The following ROPN1 variants were observed in gnomAD, a reference collection of about 807,000 sequenced individuals.
ROPN1 encodes the protein rhophilin associated tail protein 1.
A neutral mutation model predicts 20.5 loss-of-function variants in ROPN1; 14 were observed. The ratio of observed to expected loss-of-function variants is 0.68; its 90% CI spans 0.45 to 1.07. The LOEUF is 1.07. Ranked by LOEUF, ROPN1 falls within the 50% of genes least tolerant of loss-of-function variation. The pLI is 0.00. For missense variants in ROPN1, 169 were observed against 242.8 expected (o/e 0.70, Z 2.02); for synonymous variants, 76 against 95.7 (o/e 0.79, Z 1.20).
intron 4 of ROPN1, among the ~76,000 whole-genome samples, chr3:123,973,172 C>T (rs780827257): frequency 6.6e-6 from 1 of 152,148 alleles, no homozygotes; most frequent in African/African-American, 2.4e-5. Flanking sequence ...ACATTCACAC[C>T]GTACCACTGG....
intron 1 of ROPN1, among the ~76,000 whole-genome samples, chr3:123,983,532 C>A (rs2038193100): frequency 6.6e-6 from 1 of 152,192 alleles, no homozygotes; most frequent in Non-Finnish European, 1.5e-5. Context: ...CAGTATAGAG[C>A]AAACTTAAGT....
intron 1 of ROPN1, among the ~76,000 whole-genome samples, chr3:123,987,482 C>A (rs188427198): frequency 3.3e-5 from 5 of 152,332 alleles, no homozygotes; most frequent in African/African-American, 9.6e-5. Context: ...GGCCATCTTG[C>A]CCTCCAATAA....
intron 3 of ROPN1, chr3:123,975,852 C>T: frequency 2.7e-6 from 1 of 369,790 alleles, no homozygotes; most frequent in Non-Finnish European, 5.2e-6. Flanking sequence ...TTGTTTTATT[C>T]CTTATATGAC....
At chr3:123,988,366 C>G (rs2038317834) in intron 1 of ROPN1, among the ~76,000 whole-genome samples, 1 of 152,096 alleles carries the variant, frequency 6.6e-6, no homozygotes, top group Non-Finnish European at 1.5e-5. Flanking sequence ...GGCTGACAAT[C>G]AGGTCAGAAG....
At chr3:123,969,476 C>T (rs2037870815) in intron 5 of ROPN1, among the ~76,000 whole-genome samples, 1 of 152,164 alleles carries the variant, frequency 6.6e-6, no homozygotes, top group African/African-American at 2.4e-5. Context: ...CACATACCAC[C>T]ACGCCTAGCT....
chr3:123,980,789 C>G, intron 1 of ROPN1: 1 of 296,858 alleles, frequency 3.4e-6, no homozygotes. Flanking sequence ...GATATCACCC[C>G]CCAAAATCCA....
intron 5 of ROPN1, among the ~76,000 whole-genome samples, chr3:123,969,605 C>A (rs2037873862): frequency 6.6e-6 from 1 of 152,216 alleles, no homozygotes; most frequent in Non-Finnish European, 1.5e-5. Flanking sequence ...CATGACCGGC[C>A]CTCTTTTTCT....
intron 5 of ROPN1, among the ~76,000 whole-genome samples, chr3:123,969,691 C>T (rs1308429515): frequency 1.3e-5 from 2 of 152,178 alleles, no homozygotes; most frequent in Non-Finnish European, 2.9e-5. Flanking sequence ...AAGCGTGAGT[C>T]AGAGTTACTA....
At chr3:123,971,307 C>G (rs1420560120) in intron 4 of ROPN1, among the ~76,000 whole-genome samples, 1 of 152,212 alleles carries the variant, frequency 6.6e-6, no homozygotes. Flanking sequence ...TGTGAATAAA[C>G]TCTTCCTTGA....
intron 4 of ROPN1, 37 bp from the exon 5 acceptor site, chr3:123,970,254 T>C (rs1577360954): frequency 6.4e-7 from 1 of 1,568,466 alleles, no homozygotes. Context: ...AAAGTTACTC[T>C]TCCAGGCAAT....
chr3:123,976,242 C>G (rs2038019681), intron 3 of ROPN1, among the ~76,000 whole-genome samples: 1 of 152,144 alleles, frequency 6.6e-6, no homozygotes, highest in Non-Finnish European at 1.5e-5. Context: ...AAATGCTAAG[C>G]CTCTGGGACC....
In ROPN1 at chr3:123,976,937, T is replaced by C; in HGVS notation, c.161A>G (p.Glu54Gly). ...ACACAAAGCGACTCGCTCAGACCGC[T>C]CTCTCACCGGAGGCGTCTCTCCACG... ...LSRGETPPVR[E>G]RSERVALCNR... Residue 54 changes from glutamate to glycine, a missense_variant, in exon 3 of 6, where the codon GAG (glutamate) becomes GGG (glycine). Coordinates refer to ENST00000405845, the MANE Select transcript of ROPN1 (RefSeq NM_001317774.2). 1 of 1,614,064 alleles carries C rather than the reference T, an allele frequency of 6.2e-7. No homozygotes were observed. Among genetic ancestry groups the C allele is most frequent in the Non-Finnish European group, 8.5e-7 (1 of 1,180,000 alleles).
rs142778252 is a variant in ROPN1, at chr3:123,974,190, A to C, written c.396+1189T>G. On this transcript the variant is annotated intron_variant, in intron 4 of 5. Coordinates refer to ENST00000405845, the MANE Select transcript of ROPN1 (RefSeq NM_001317774.2). ...ACTACAGATAAAATTTTAAAGGTAT[A>C]TTTTCCCCCAAAAACGTCTCCAAAT... 3.9e-4 allele frequency among the ~76,000 whole-genome samples: 60 copies of C among 152,260 alleles called. No individual in the cohort carries two copies. In the East Asian group the frequency reaches 5.2e-3, roughly 13 times the overall value.
intron 1 of ROPN1, among the ~76,000 whole-genome samples, chr3:123,987,569 T>TATA (rs2038292788): frequency 6.6e-6 from 1 of 152,254 alleles, no homozygotes; most frequent in East Asian, 1.9e-4. Flanking sequence ...TTATAAAAAT[T>TATA]ATGCCCTGTC....
Position 123,970,222 on chromosome 3 carries a change from A to G in ROPN1, c.397-5T>C, listed in dbSNP as rs2037889213. ...CTTGAGAGTTTTGGTAATAGTCTAT[A>G]AAAGTTAGATAAAATGAGGAGAAAG... On this transcript the variant is annotated splice_region_variant and splice_polypyrimidine_tract_variant and intron_variant, in intron 4 of 5. Transcript: ENST00000405845. The G allele has an allele frequency of 6.2e-7, 1 of 1,611,290 alleles. No individual in the cohort carries two copies.
At chr3:123,987,903 A>T (rs150730817) in intron 1 of ROPN1, among the ~76,000 whole-genome samples, 1 of 152,214 alleles carries the variant, frequency 6.6e-6, no homozygotes, top group Non-Finnish European at 1.5e-5. Flanking sequence ...AGCCATGCTC[A>T]TATTTCAAAG....
chr3:123,979,830 T>C (rs1303440731), intron 2 of ROPN1: 2 of 349,686 alleles, frequency 5.7e-6, no homozygotes, highest in Non-Finnish European at 1.1e-5. Flanking sequence ...ATATAAAGGG[T>C]CTTTGGTTGG....
chr3:123,975,802 A>G (rs201694924), intron 3 of ROPN1: 18,531 of 371,238 alleles, frequency 0.05, 1,770 homozygotes, highest in East Asian at 0.36. Context: ...ATTACATTTT[A>G]ATTTCTGGTG....
chr3:123,987,738 A>G (rs148806314), intron 1 of ROPN1, among the ~76,000 whole-genome samples: 8 of 152,354 alleles, frequency 5.3e-5, no homozygotes, highest in African/African-American at 1.7e-4. Flanking sequence ...GAGCAGTCCT[A>G]CTTGACCTTG....
Sources: gnomAD v4.1 joint callset for allele counts (sites outside exome capture counted in the v4.1 genomes callset) on GRCh38, gnomAD v4.1.1 for gene constraint, MANE v1.5 for transcripts, NCBI Gene and HGNC (gene_info 2026-07-23, HGNC 2026-07-21) for gene names.